Variants in SLC22A23 observed in about 807,000 individuals in gnomAD.
SLC22A23 encodes ion transporter protein.
Under a neutral mutation model 61.0 loss-of-function variants are expected in SLC22A23, and 26 were observed. That is an observed-to-expected ratio of 0.43 (90% CI 0.31 to 0.59). SLC22A23 has a LOEUF of 0.59. SLC22A23 is among the 20% of genes least tolerant of loss of function. The pLI, the probability that SLC22A23 is intolerant of heterozygous loss-of-function variation, is 0.11. For synonymous variants in SLC22A23, 430 were observed against 413.9 expected (o/e 1.04, Z -0.47); for missense variants, 796 against 934.7 (o/e 0.85, Z 1.94).
At chr6:3,411,712 T>A (rs568454494) in intron 2 of SLC22A23, among the ~76,000 whole-genome samples, 93 of 152,298 alleles carry the variant, frequency 6.1e-4, no homozygotes, top group African/African-American at 2.0e-3. Context: ...AACAACAGGA[T>A]GAAATTACAC....
At position 3,317,428 on chromosome 6, in the gene SLC22A23, A is replaced by G. The variant is rs1762705429; in HGVS notation, c.1082+6406T>C. Reference sequence around the variant, plus strand: ...TCCATTCTGGCACCTCCTGCCACCTATCTTCCTAGCGCATCTAAGCAGAAT... The same window carrying G: ...TCCATTCTGGCACCTCCTGCCACCTGTCTTCCTAGCGCATCTAAGCAGAAT... On this transcript the variant is annotated intron_variant, in intron 4 of 9. Transcript: ENST00000406686. The surrounding 1 kb of genome is among the most constrained non-coding windows in gnomAD (Gnocchi z 4.4). 6.6e-6 allele frequency among the ~76,000 whole-genome samples: 1 copy of G among 151,990 alleles called. No individual in the cohort carries two copies. The highest frequency in any genetic ancestry group is 2.1e-4 in the South Asian group (1 of 4,820).
intron 3 of SLC22A23, among the ~76,000 whole-genome samples, chr6:3,345,516 C>T (rs1036691538): frequency 2.0e-5 from 3 of 151,938 alleles, no homozygotes; most frequent in Admixed American, 6.6e-5. Flanking sequence ...CAGGTATGCA[C>T]CAACACACCT....
chr6:3,309,898 T>A lies in SLC22A23; in HGVS notation c.1083-11680A>T, dbSNP rs1762251421. Among the ~76,000 whole-genome samples the A allele has an allele frequency of 6.6e-6, 1 of 152,188 alleles. No homozygotes were observed. On this transcript the variant is annotated intron_variant, in intron 4 of 9. Transcript: ENST00000406686. This position sits in a 1 kb window ranked among gnomAD's most constrained non-coding sequence, Gnocchi z 4.7. ...TGCTAATACCCTGCCTGGGGCTTCA[T>A]GAATGGCAGAGGCAGGCCTGGAACC... is the stretch of plus-strand genomic sequence containing the variant.
chr6:3,333,148 A>G lies in SLC22A23; in HGVS notation c.914-9146T>C, dbSNP rs996813620. ...GAGTTGTTCACCAACATTTTCCCTA[A>G]AGGTTTTGTAGGGAGTGCAAAATGG... On this transcript the variant is annotated intron_variant, in intron 3 of 9. Transcript: ENST00000406686. This position sits in a 1 kb window ranked among gnomAD's most constrained non-coding sequence, Gnocchi z 4.1. 3.9e-5 allele frequency among the ~76,000 whole-genome samples: 6 copies of G among 152,120 alleles called. No individual in the cohort carries two copies. The highest frequency in any genetic ancestry group is 1.4e-4 in the African/African-American group (6 of 41,416).
chr6:3,352,900 C>T (rs143169643), intron 3 of SLC22A23, among the ~76,000 whole-genome samples: 141 of 152,278 alleles, frequency 9.3e-4, no homozygotes, highest in Non-Finnish European at 1.7e-3. Context: ...GAAGATCAGT[C>T]GCCCCCGTGA....
intron 1 of SLC22A23, among the ~76,000 whole-genome samples, chr6:3,449,445 T>C (rs972006240): frequency 2.0e-5 from 3 of 152,204 alleles, no homozygotes; most frequent in East Asian, 3.8e-4. Flanking sequence ...ATACATAAAG[T>C]GTACCTATAA....
intron 3 of SLC22A23, among the ~76,000 whole-genome samples, chr6:3,383,593 C>G (rs1163064598): frequency 6.6e-6 from 1 of 152,212 alleles, no homozygotes; most frequent in Non-Finnish European, 1.5e-5. Context: ...GCCTCTGACT[C>G]TGATGTGAGG....
chr6:3,295,558 G>GCCCA (rs1581635332), intron 5 of SLC22A23, among the ~76,000 whole-genome samples: 2 of 152,338 alleles, frequency 1.3e-5, no homozygotes, highest in East Asian at 3.9e-4. Flanking sequence ...AAAGCTGGGA[G>GCCCA]CCCAGCCAGC....
intron 3 of SLC22A23, among the ~76,000 whole-genome samples, chr6:3,346,893 CA>C (rs1427010979): frequency 6.6e-6 from 1 of 152,160 alleles, no homozygotes; most frequent in Non-Finnish European, 1.5e-5. Flanking sequence ...CCCCTAGTAG[CA>C]TCTAAAGGAC....
chr6:3,285,714 T>C (rs367606952), intron 7 of SLC22A23, among the ~76,000 whole-genome samples: 18 of 152,218 alleles, frequency 1.2e-4, no homozygotes, highest in Admixed American at 9.8e-4. Context: ...CAGCAAGGTA[T>C]AGATTGCATA....
intron 3 of SLC22A23, among the ~76,000 whole-genome samples, chr6:3,376,766 G>C (rs979216161): frequency 2.6e-5 from 4 of 152,172 alleles, no homozygotes; most frequent in African/African-American, 9.7e-5. Context: ...CATCCTGTAA[G>C]AAAGGCAAAA....
chr6:3,272,509 A>G lies in SLC22A23; in HGVS notation c.*546T>C, dbSNP rs563871869. 6.5e-6 allele frequency: 1 copy of G among 152,844 alleles called. No homozygotes were observed. Among genetic ancestry groups the G allele is most frequent in the South Asian group, 2.1e-4 (1 of 4,826 alleles). The allele number at this position is 152,844 out of a possible 1,614,324, so 9.5% of individuals were successfully genotyped here. A position where few individuals can be genotyped will look rare whatever the true frequency, so the allele number is the denominator to read the frequency against. On this transcript the variant is annotated 3_prime_UTR_variant, in exon 10 of 10. Coordinates refer to ENST00000406686, the MANE Select transcript of SLC22A23 (RefSeq NM_015482.2). ...GCTCTTACCTTACAAACAGAAAGGG[A>G]AAAAGGACCTTAAAAAACCATACAC...
chr6:3,360,319 A>G lies in SLC22A23; in HGVS notation c.914-36317T>C, dbSNP rs1765356138. 6.6e-6 allele frequency among the ~76,000 whole-genome samples: 1 copy of G among 152,236 alleles called. No homozygotes were observed. Among genetic ancestry groups the G allele is most frequent in the Non-Finnish European group, 1.5e-5 (1 of 68,046 alleles). The stretch of plus-strand genomic sequence containing the variant: ...CCCCCTCCAAATAAAACAACAACAA[A>G]AAAGGCAAGTCCGTAGTATTGGCCT... On this transcript the variant is annotated intron_variant, in intron 3 of 9. Coordinates refer to ENST00000406686, the MANE Select transcript of SLC22A23 (RefSeq NM_015482.2). The surrounding 1 kb of genome is among the most constrained non-coding windows in gnomAD (Gnocchi z 4.6).
At chr6:3,334,297 G>A (rs1045789166) in intron 3 of SLC22A23, among the ~76,000 whole-genome samples, 2 of 152,284 alleles carry the variant, frequency 1.3e-5, no homozygotes, top group Non-Finnish European at 2.9e-5. Flanking sequence ...GAGTAGCTAG[G>A]ATTACAGGCA....
Position 3,297,368 on chromosome 6 carries a change from C to G in SLC22A23, c.1210+723G>C, listed in dbSNP as rs997330422. Among the ~76,000 whole-genome samples the G allele has an allele frequency of 5.9e-5, 9 of 152,134 alleles. No individual in the cohort carries two copies. The highest frequency in any genetic ancestry group is 4.6e-4 in the Admixed American group (7 of 15,272). On this transcript the variant is annotated intron_variant, in intron 5 of 9. Transcript: ENST00000406686. The surrounding 1 kb of genome is among the most constrained non-coding windows in gnomAD (Gnocchi z 4.3). ...GAGGGCAGTGAGTCAGAGCTTGGGCCGAGACCACCAGTGATCTTCAAACGG... is the reference window on the plus strand; with the variant it reads ...GAGGGCAGTGAGTCAGAGCTTGGGCGGAGACCACCAGTGATCTTCAAACGG...
At chr6:3,314,148 A>G (rs369290249) in intron 4 of SLC22A23, among the ~76,000 whole-genome samples, 7 of 152,378 alleles carry the variant, frequency 4.6e-5, no homozygotes, top group African/African-American at 1.4e-4. Context: ...TGATACCCCA[A>G]TAATTTTAAG....
chr6:3,344,558 T>C (rs1414164760), intron 3 of SLC22A23, among the ~76,000 whole-genome samples: 1 of 152,200 alleles, frequency 6.6e-6, no homozygotes, highest in Non-Finnish European at 1.5e-5. Context: ...GGGTTCTAAA[T>C]TTTCTGGGAA....
chr6:3,451,940 T>C (rs1581910976), intron 1 of SLC22A23, among the ~76,000 whole-genome samples: 1 of 152,192 alleles, frequency 6.6e-6, no homozygotes, highest in Non-Finnish European at 1.5e-5. Flanking sequence ...AAAAACACGA[T>C]GGTTGTGTGA....
chr6:3,324,020 TGA>T lies in SLC22A23; in HGVS notation c.914-20_914-19del, dbSNP rs1403090338. ...CTCTATTCCTAGAACACAGAACCAA[TGA>T]GAGAGAGATGAGTGCCCTGCTCGAC... On this transcript the variant is annotated intron_variant, in intron 3 of 9. Coordinates refer to ENST00000406686, the MANE Select transcript of SLC22A23 (RefSeq NM_015482.2). The surrounding 1 kb of genome is among the most constrained non-coding windows in gnomAD (Gnocchi z 4.3). 2 of 1,611,432 alleles carry T rather than the reference TGA, an allele frequency of 1.2e-6. No homozygotes were observed. The highest frequency in any genetic ancestry group is 1.7e-6 in the Non-Finnish European group (2 of 1,177,884).
Sources: gnomAD v4.1 joint callset for allele counts (sites outside exome capture counted in the v4.1 genomes callset) on GRCh38, gnomAD v4.1.1 for gene constraint, Gnocchi (gnomAD v3.1) non-coding constraint, MANE v1.5 for transcripts, NCBI Gene and HGNC (gene_info 2026-07-23, HGNC 2026-07-21) for gene names.